The following AFAP1 variants were observed in gnomAD, a reference collection of about 807,000 sequenced individuals.
AFAP1 encodes actin filament associated protein 1.
In AFAP1, 75 loss-of-function variants were observed where a neutral mutation model predicts 93.9. That is an observed-to-expected ratio of 0.80 (90% CI 0.66 to 0.97). The LOEUF (loss-of-function observed/expected upper bound fraction) is 0.97. Among genes scored for constraint, AFAP1 ranks in the 50% least tolerant of loss-of-function variants. AFAP1 has a pLI of 0.00. For missense variants in AFAP1, 1,201 were observed against 1,050.8 expected, an observed-to-expected ratio of 1.14 and a Z score of -1.98; for synonymous variants, 517 against 430.7, an observed-to-expected ratio of 1.20 and a Z score of -2.48.
chr4:7,914,599 T>A (rs6828574), intron 1 of AFAP1, among the ~76,000 whole-genome samples: 134,167 of 152,160 alleles, frequency 0.88, 59,400 homozygotes, highest in African/African-American at 0.96. Flanking sequence ...GCGCTGCAGG[T>A]AACACAGAGG....
chr4:7,801,096 A>AT (rs139692373), intron 9 of AFAP1, among the ~76,000 whole-genome samples: 4,009 of 152,304 alleles, frequency 0.026, 174 homozygotes, highest in African/African-American at 0.089. Context: ...AGGCAGGCAG[A>AT]TTTTGGCTTA....
Position 7,843,274 on chromosome 4 carries a change from G to A in AFAP1, c.411C>T (p.Thr137=). 6.2e-7 allele frequency: 1 copy of A among 1,614,106 alleles called. No homozygotes were observed. The highest frequency in any genetic ancestry group is 8.5e-7 in the Non-Finnish European group (1 of 1,180,014). Residue 137 remains threonine, a synonymous_variant, in exon 5 of 18, where the codon ACC becomes ACT. Transcript: ENST00000420658. ...CCTCCTCGGAGGGCCACTGGTGCCG[G>A]GTTTTCTTCCCCTTCCCATCCTCCT... ...EEEEDGKGKK[T]RHQWPSEEAS...
intron 4 of AFAP1, among the ~76,000 whole-genome samples, chr4:7,855,111 G>T (rs1714898751): frequency 6.6e-6 from 1 of 152,206 alleles, no homozygotes; most frequent in Non-Finnish European, 1.5e-5. Flanking sequence ...GGCAGAATGG[G>T]TGCAGCCCAA....
At chr4:7,779,565 G>A (rs1489514175) in intron 13 of AFAP1, among the ~76,000 whole-genome samples, 3 of 152,220 alleles carry the variant, frequency 2.0e-5, no homozygotes, top group Non-Finnish European at 4.4e-5. Flanking sequence ...TGACAGCAAA[G>A]GCTCACTCCA....
At chr4:7,884,883 C>T (rs897273670) in intron 1 of AFAP1, among the ~76,000 whole-genome samples, 1 of 152,170 alleles carries the variant, frequency 6.6e-6, no homozygotes, top group African/African-American at 2.4e-5. Context: ...TTACGGACTC[C>T]TATCCCCTGC....
At chr4:7,851,124 C>T (rs4361385) in intron 4 of AFAP1, among the ~76,000 whole-genome samples, 17,683 of 152,202 alleles carry the variant, frequency 0.12, 1,290 homozygotes, top group Non-Finnish European at 0.17. Flanking sequence ...GTTTGGAGCA[C>T]GGCTACACCA....
intron 1 of AFAP1, among the ~76,000 whole-genome samples, chr4:7,875,346 C>G (rs76349515): frequency 0.07 from 10,584 of 152,242 alleles, 400 homozygotes; most frequent in African/African-American, 0.087. Flanking sequence ...GCAGTTCACT[C>G]TTTCCAGCTG....
At chr4:7,914,401 T>C (rs891254485) in intron 1 of AFAP1, among the ~76,000 whole-genome samples, 2 of 152,164 alleles carry the variant, frequency 1.3e-5, no homozygotes, top group Non-Finnish European at 2.9e-5. Context: ...ACATGCGGTG[T>C]TTAACTTTCT....
intron 9 of AFAP1, among the ~76,000 whole-genome samples, chr4:7,802,947 AAAAG>A (rs1470839001): frequency 6.6e-6 from 1 of 152,192 alleles, no homozygotes; most frequent in African/African-American, 2.4e-5. Context: ...TTAGTCTTTA[AAAAG>A]AAAAAAGAAA....
At chr4:7,785,254 G>A (rs1252858124) in intron 12 of AFAP1, among the ~76,000 whole-genome samples, 1 of 152,132 alleles carries the variant, frequency 6.6e-6, no homozygotes, top group East Asian at 1.9e-4. Flanking sequence ...TTACACGTAC[G>A]ACACAGACAC....
At chr4:7,901,654 G>A (rs1719122233) in intron 1 of AFAP1, among the ~76,000 whole-genome samples, 1 of 152,228 alleles carries the variant, frequency 6.6e-6, no homozygotes, top group Admixed American at 6.5e-5. Flanking sequence ...GGAAGGACCT[G>A]TGATGAGAAC....
chr4:7,828,240 T>C (rs1238328277), intron 6 of AFAP1, among the ~76,000 whole-genome samples: 2 of 152,142 alleles, frequency 1.3e-5, no homozygotes, highest in African/African-American at 2.4e-5. Flanking sequence ...GAAATCCCTA[T>C]AGCGTCGCCC....
At chr4:7,895,852 G>GTT (rs35666187) in intron 1 of AFAP1, among the ~76,000 whole-genome samples, 32,763 of 110,288 alleles carry the variant, frequency 0.3, 5,563 homozygotes, top group Non-Finnish European at 0.4. Flanking sequence ...TCTTCAGAAA[G>GTT]TTTTTTTTTT....
chr4:7,918,803 G>C (rs1304990543), intron 1 of AFAP1, among the ~76,000 whole-genome samples: 2 of 125,356 alleles, frequency 1.6e-5, no homozygotes, highest in African/African-American at 3.5e-5. Flanking sequence ...AAACAGGGCT[G>C]TTGGAAGAGA....
intron 2 of AFAP1, among the ~76,000 whole-genome samples, chr4:7,870,894 G>T (rs1716963223): frequency 6.6e-6 from 1 of 152,110 alleles, no homozygotes; most frequent in African/African-American, 2.4e-5. Context: ...AAGTATAAAT[G>T]AACTGTACAC....
At position 7,939,665 on chromosome 4, in the gene AFAP1, C is replaced by T; in HGVS notation, c.-12G>A. The T allele has an allele frequency of 2.4e-6, 1 of 419,116 alleles. No individual in the cohort carries two copies. Among genetic ancestry groups the T allele is most frequent in the South Asian group, 1.6e-5 (1 of 61,162 alleles). 26.0% of individuals were successfully genotyped at this position (419,116 alleles called of 1,614,324 possible). On this transcript the variant is annotated 5_prime_UTR_variant, in exon 1 of 18. Transcript: ENST00000420658. The surrounding 1 kb of genome is among the most constrained non-coding windows in gnomAD (Gnocchi z 5.6). ...AGTCGCGCCGTCTCACCTCAGGCCG[C>T]CACCTCGCAGCGCTCGCTCCTCGCC...
intron 3 of AFAP1, among the ~76,000 whole-genome samples, chr4:7,866,947 G>C (rs1268883134): frequency 6.6e-6 from 1 of 151,648 alleles, no homozygotes; most frequent in Non-Finnish European, 1.5e-5. Flanking sequence ...GCTGAGGAGA[G>C]AGGATTGCTT....
chr4:7,908,449 T>C (rs1222635646), intron 1 of AFAP1, among the ~76,000 whole-genome samples: 1 of 152,234 alleles, frequency 6.6e-6, no homozygotes, highest in Non-Finnish European at 1.5e-5. Context: ...GATTACTGAA[T>C]TAAGTCAGTT....
At chr4:7,822,561 G>C (rs957913659) in intron 6 of AFAP1, among the ~76,000 whole-genome samples, 2 of 150,390 alleles carry the variant, frequency 1.3e-5, no homozygotes, top group Non-Finnish European at 3.0e-5. Context: ...AAAAAAAACG[G>C]TTGTCTTCTT....
Sources: allele counts gnomAD v4.1 joint callset (sites outside exome capture counted in the v4.1 genomes callset), GRCh38; gene constraint gnomAD v4.1.1; non-coding constraint Gnocchi (gnomAD v3.1); transcripts MANE v1.5; gene names NCBI Gene and HGNC (gene_info 2026-07-23, HGNC 2026-07-21).